Variants in MRPL42 observed in about 807,000 individuals in gnomAD.
The protein encoded by MRPL42 is mitochondrial ribosomal protein L42.
A neutral mutation model predicts 17.9 loss-of-function variants in MRPL42; 17 were observed. The ratio of observed to expected loss-of-function variants is 0.95; its 90% CI spans 0.65 to 1.42. The LOEUF (loss-of-function observed/expected upper bound fraction) is 1.42. MRPL42 is among the 40% of genes most tolerant of loss of function. MRPL42 has a pLI of 0.00. For missense variants in MRPL42, 177 were observed against 175.2 expected (o/e 1.01, Z -0.06); for synonymous variants, 59 against 54.4 (o/e 1.08, Z -0.37).
intron 4 of MRPL42, among the ~76,000 whole-genome samples, chr12:93,484,971 C>CATATATATATACATATATAT: frequency 3.0e-5 from 1 of 33,618 alleles, no homozygotes; most frequent in African/African-American, 9.9e-5. Flanking sequence ...AACACACACA[C>CATATATATATACATATATAT]ACACACACAT....
In MRPL42 at chr12:93,506,944, A is replaced by G. The variant is rs181903654; in HGVS notation, c.*5723A>G. The G allele has an allele frequency of 1.3e-5, 2 of 152,336 alleles. No homozygotes were observed. The highest frequency in any genetic ancestry group is 1.9e-4 in the East Asian group (1 of 5,180). The allele number at this position is 152,336 out of a possible 1,614,324, so 9.4% of individuals were successfully genotyped here. On this transcript the variant is annotated 3_prime_UTR_variant, in exon 6 of 6. Coordinates refer to ENST00000549982, the MANE Select transcript of MRPL42 (RefSeq NM_014050.4). ...CGTAAAGCTGAAAGACATCTTAAAG[A>G]TGATTTTTGGGGACTGATTTGGAAA...
chr12:93,485,489 T>A (rs1442304645), intron 4 of MRPL42, among the ~76,000 whole-genome samples: 1 of 152,116 alleles, frequency 6.6e-6, no homozygotes, highest in African/African-American at 2.4e-5. Context: ...AAACTAGATA[T>A]AAATATATGC....
At chr12:93,469,422 T>TATACAATAACTAAATGC in intron 2 of MRPL42, 67 bp downstream of exon 2, 1 of 1,235,268 alleles carries the variant, frequency 8.1e-7, no homozygotes, top group Non-Finnish European at 1.1e-6. Context: ...ATTTAAAGCA[T>TATACAATAACTAAATGC]TTAGTTATTG....
In MRPL42 at chr12:93,507,812, T is replaced by TC. The variant is rs1323495100; in HGVS notation, c.*6592dup. 2 of 152,286 alleles carry TC rather than the reference T, an allele frequency of 1.3e-5. No homozygotes were observed. Among genetic ancestry groups the TC allele is most frequent in the Non-Finnish European group, 2.9e-5 (2 of 68,146 alleles). 9.4% of individuals were successfully genotyped at this position (152,286 alleles called of 1,614,324 possible). ...GGATTCTTCACATGGCTTTAGGATT[T>TC]CAAGAGTATGAGATTGGGGCTGGGC... is the stretch of plus-strand genomic sequence containing the variant. On this transcript the variant is annotated 3_prime_UTR_variant, in exon 6 of 6. Transcript: ENST00000549982.
chr12:93,474,316 G>C (rs2121173197), intron 2 of MRPL42, among the ~76,000 whole-genome samples: 1 of 151,308 alleles, frequency 6.6e-6, no homozygotes, highest in East Asian at 2.0e-4. Context: ...TAATAGAGAT[G>C]GGGTCTCACT....
Position 93,513,841 on chromosome 12 carries a change from A to C in MRPL42, c.*12620A>C, listed in dbSNP as rs1488982245. 1 of 152,144 alleles carries C rather than the reference A, an allele frequency of 6.6e-6. No individual in the cohort carries two copies. Among genetic ancestry groups the C allele is most frequent in the East Asian group, 1.9e-4 (1 of 5,192 alleles). The allele number at this position is 152,144 out of a possible 1,614,324, so 9.4% of individuals were successfully genotyped here. On this transcript the variant is annotated 3_prime_UTR_variant, in exon 6 of 6. Coordinates refer to ENST00000549982, the MANE Select transcript of MRPL42 (RefSeq NM_014050.4). ...GATTAAAGAACTATCCTTTCATCAC[A>C]GATAGTTCAATGACTCCTGTTTTTT...
intron 2 of MRPL42, chr12:93,470,342 G>C: frequency 1.4e-6 from 1 of 693,998 alleles, no homozygotes; most frequent in Non-Finnish European, 1.9e-6. Context: ...TTTCCTGTCT[G>C]TAAACAGAGT....
chr12:93,474,404 G>A (rs1285471943), intron 2 of MRPL42, among the ~76,000 whole-genome samples: 4 of 149,786 alleles, frequency 2.7e-5, no homozygotes, highest in Admixed American at 6.7e-5. Context: ...CTCGCAAAGC[G>A]CTGAGATTAC....
rs184488174 is a variant in MRPL42, at chr12:93,479,568, C to T, written c.219+96C>T. On this transcript the variant is annotated intron_variant, in intron 4 of 5. Coordinates refer to ENST00000549982, the MANE Select transcript of MRPL42 (RefSeq NM_014050.4). ...AAAAAGAAGGGAGTCATCTGATTTTCTTTGTTTTAGATTTTCTTTTGGCTT... is the reference window on the plus strand; with the variant it reads ...AAAAAGAAGGGAGTCATCTGATTTTTTTTGTTTTAGATTTTCTTTTGGCTT... 953 of 642,980 alleles carry T rather than the reference C, an allele frequency of 1.5e-3. 2 individuals carry two copies. The highest frequency in any genetic ancestry group is 2.5e-3 in the Middle Eastern group (6 of 2,392). The allele number at this position is 642,980 out of a possible 1,614,324, so 39.8% of individuals were successfully genotyped here. A position where few individuals can be genotyped will look rare whatever the true frequency, so the allele number is the denominator to read the frequency against.
Position 93,501,465 on chromosome 12 carries a change from T to C in MRPL42, c.*244T>C, listed in dbSNP as rs1022575169. 2 of 287,798 alleles carry C rather than the reference T, an allele frequency of 6.9e-6. No homozygotes were observed. The highest frequency in any genetic ancestry group is 1.3e-5 in the Non-Finnish European group (2 of 157,220). 17.8% of individuals were successfully genotyped at this position (287,798 alleles called of 1,614,324 possible). ...TGTGCGGTCTCCAATTTAGGACTTT[T>C]CCATAGTGCCAAAGCCATACATATT... is the stretch of plus-strand genomic sequence containing the variant. On this transcript the variant is annotated 3_prime_UTR_variant, in exon 6 of 6. Coordinates refer to ENST00000549982, the MANE Select transcript of MRPL42 (RefSeq NM_014050.4).
chr12:93,468,527 T>C (rs1294509390), intron 1 of MRPL42, among the ~76,000 whole-genome samples: 1 of 152,198 alleles, frequency 6.6e-6, no homozygotes, highest in Non-Finnish European at 1.5e-5. Flanking sequence ...TTTTGTACTT[T>C]AGTTTCTTCA....
intron 4 of MRPL42, 102 bp from the exon 5 acceptor site, chr12:93,487,395 A>G (rs1235579700): frequency 2.4e-5 from 26 of 1,065,484 alleles, no homozygotes; most frequent in South Asian, 4.8e-5. Context: ...CTAAAGTACT[A>G]TAGTGAATTA....
chr12:93,468,307 TGGG>T (rs11314464), intron 1 of MRPL42, among the ~76,000 whole-genome samples: 7 of 152,006 alleles, frequency 4.6e-5, no homozygotes, highest in African/African-American at 1.7e-4. Context: ...TTATCACTAT[TGGG>T]GGGAAGGGCA....
intron 4 of MRPL42, among the ~76,000 whole-genome samples, chr12:93,484,160 G>A (rs888032187): frequency 2.6e-5 from 4 of 152,260 alleles, no homozygotes; most frequent in African/African-American, 7.2e-5. Flanking sequence ...TAACAAGTAG[G>A]AGTACGCTCT....
Position 93,504,411 on chromosome 12 carries a change from TG to T in MRPL42, c.*3193del, listed in dbSNP as rs1164300886. The T allele has an allele frequency of 6.5e-6, 1 of 152,696 alleles. No individual in the cohort carries two copies. The highest frequency in any genetic ancestry group is 1.5e-5 in the Non-Finnish European group (1 of 68,034). 9.5% of individuals were successfully genotyped at this position (152,696 alleles called of 1,614,324 possible). ...CACCTTGGCCTCCCAAAGTGCTGGG[TG>T]GGATTATAGGTGTGAGCCTCCATGC... On this transcript the variant is annotated 3_prime_UTR_variant, in exon 6 of 6. Coordinates refer to ENST00000549982, the MANE Select transcript of MRPL42 (RefSeq NM_014050.4).
intron 4 of MRPL42, among the ~76,000 whole-genome samples, chr12:93,481,210 C>T (rs1880443518): frequency 6.6e-6 from 1 of 152,164 alleles, no homozygotes; most frequent in South Asian, 2.1e-4. Context: ...ACTTACTACC[C>T]TTGGCAAAAT....
intron 5 of MRPL42, 171 bp downstream of exon 5, chr12:93,487,831 C>A: frequency 1.8e-6 from 1 of 548,138 alleles, no homozygotes; most frequent in Non-Finnish European, 3.1e-6. Flanking sequence ...GGATCTCGCT[C>A]TGTCACCCAG....
intron 4 of MRPL42, among the ~76,000 whole-genome samples, chr12:93,486,407 C>T (rs181845117): frequency 6.6e-6 from 1 of 152,090 alleles, no homozygotes; most frequent in Non-Finnish European, 1.5e-5. Context: ...TGCAATGGTG[C>T]AATCTTGGCT....
chr12:93,470,338 G>T, intron 2 of MRPL42: 2 of 644,770 alleles, frequency 3.1e-6, no homozygotes, highest in Admixed American at 5.1e-5. Context: ...TCCTTTTCCT[G>T]TCTGTAAACA....
Sources: allele counts gnomAD v4.1 joint callset (sites outside exome capture counted in the v4.1 genomes callset), GRCh38; gene constraint gnomAD v4.1.1; transcripts MANE v1.5; gene names NCBI Gene and HGNC (gene_info 2026-07-23, HGNC 2026-07-21).